The following APBA2 variants were observed in gnomAD, a reference collection of about 807,000 sequenced individuals.
APBA2 encodes the protein amyloid beta precursor protein binding family A member 2, also known as amyloid-beta A4 precursor protein-binding family A member 2.
A neutral mutation model predicts 75.0 loss-of-function variants in APBA2; 30 were observed. That is an observed-to-expected ratio of 0.40 (90% CI 0.30 to 0.54). APBA2 has a LOEUF of 0.54. APBA2 is among the 20% of genes least tolerant of loss of function. The probability of loss-of-function intolerance (pLI) is 0.49; values close to 1 mark genes in which losing one functional copy is unlikely to be tolerated. For synonymous variants in APBA2, 444 were observed against 409.6 expected, an observed-to-expected ratio of 1.08 and a Z score of -1.01; for missense variants, 801 against 1,016.1, an observed-to-expected ratio of 0.79 and a Z score of 2.88.
intron 2 of APBA2, among the ~76,000 whole-genome samples, chr15:28,980,101 T>C (rs566205212): frequency 4.5e-4 from 69 of 152,280 alleles, no homozygotes; most frequent in African/African-American, 1.6e-3. Context: ...GCTAAACACT[T>C]GGTAGATTCA....
intron 5 of APBA2, 58 bp from the exon 6 acceptor site, chr15:29,075,997 T>C (rs890693073): frequency 2.6e-6 from 4 of 1,527,228 alleles, no homozygotes; most frequent in Non-Finnish European, 3.6e-6. Flanking sequence ...AGCCTTCACC[T>C]TGTGGGCTAC....
At chr15:28,953,643 C>T (rs186510928) in intron 2 of APBA2, among the ~76,000 whole-genome samples, 13 of 152,276 alleles carry the variant, frequency 8.5e-5, no homozygotes, top group East Asian at 7.7e-4. Context: ...GGTCAGCTCT[C>T]GGTCCCTTCC....
intron 4 of APBA2, among the ~76,000 whole-genome samples, chr15:29,064,269 C>T (rs529513871): frequency 1.6e-3 from 244 of 152,270 alleles, no homozygotes; most frequent in African/African-American, 5.3e-3. Context: ...GTTTCCACCC[C>T]GAATTCACAC....
chr15:29,084,020 T>A (rs2043188854), intron 6 of APBA2, among the ~76,000 whole-genome samples: 1 of 152,250 alleles, frequency 6.6e-6, no homozygotes, highest in Non-Finnish European at 1.5e-5. Flanking sequence ...TTTGTCTGTT[T>A]CTTGTTGTTT....
intron 3 of APBA2, among the ~76,000 whole-genome samples, chr15:29,018,927 C>T (rs2039812176): frequency 6.6e-6 from 1 of 152,150 alleles, no homozygotes; most frequent in Non-Finnish European, 1.5e-5. Flanking sequence ...CATGAGGATC[C>T]TGACCATCTC....
intron 4 of APBA2, among the ~76,000 whole-genome samples, chr15:29,057,430 C>T (rs1314812232): frequency 6.6e-6 from 1 of 152,118 alleles, no homozygotes; most frequent in African/African-American, 2.4e-5. Context: ...AGTCATTGCA[C>T]GAATGGCAAT....
intron 4 of APBA2, among the ~76,000 whole-genome samples, chr15:29,055,447 G>A (rs1471026306): frequency 2.0e-5 from 3 of 152,198 alleles, no homozygotes; most frequent in Non-Finnish European, 2.9e-5. Flanking sequence ...GTGGATGTCA[G>A]CATAACTGTA....
At chr15:29,045,469 C>T (rs2041277282) in intron 3 of APBA2, among the ~76,000 whole-genome samples, 1 of 152,068 alleles carries the variant, frequency 6.6e-6, no homozygotes, top group African/African-American at 2.4e-5. Context: ...GACCCCACCT[C>T]CTAATGCCAT....
chr15:29,020,625 G>A (rs2039904577), intron 3 of APBA2, among the ~76,000 whole-genome samples: 2 of 149,050 alleles, frequency 1.3e-5, no homozygotes, highest in South Asian at 2.1e-4. Context: ...GACCAACATG[G>A]TGAAACCCGG....
At chr15:29,112,847 G>A (rs2044810330) in intron 13 of APBA2, among the ~76,000 whole-genome samples, 2 of 152,020 alleles carry the variant, frequency 1.3e-5, no homozygotes, top group African/African-American at 4.8e-5. Flanking sequence ...TCCCCACTAA[G>A]CACCACCGCC....
chr15:28,996,573 C>T (rs1159932295), intron 3 of APBA2, among the ~76,000 whole-genome samples: 3 of 152,160 alleles, frequency 2.0e-5, no homozygotes, highest in African/African-American at 7.2e-5. Flanking sequence ...TGGCTGGAGA[C>T]ACACAAGGCA....
intron 2 of APBA2, among the ~76,000 whole-genome samples, chr15:28,974,606 A>G (rs2037238340): frequency 6.6e-6 from 1 of 152,248 alleles, no homozygotes; most frequent in Non-Finnish European, 1.5e-5. Context: ...ACAATGCAAT[A>G]AAACTAAAAA....
chr15:28,902,045 A>C lies in APBA2; in HGVS notation c.-205+15767A>C, dbSNP rs2090075888. Among the ~76,000 whole-genome samples the C allele has an allele frequency of 2.0e-5, 3 of 151,572 alleles. No individual in the cohort carries two copies. In the South Asian group the frequency reaches 6.3e-4, roughly 32 times the overall value. On this transcript the variant is annotated intron_variant, in intron 1 of 14. Coordinates refer to ENST00000683413, the MANE Select transcript of APBA2 (RefSeq NM_001353788.2). Reference sequence around the variant, plus strand: ...AGATTCAGGCCTGAGTGAAGCAGGCATCACAGATGGGGGCTCATAAAAACC... The same window carrying C: ...AGATTCAGGCCTGAGTGAAGCAGGCCTCACAGATGGGGGCTCATAAAAACC...
intron 2 of APBA2, among the ~76,000 whole-genome samples, chr15:28,974,698 G>A (rs1018612384): frequency 7.2e-5 from 11 of 152,148 alleles, no homozygotes; most frequent in African/African-American, 1.4e-4. Context: ...GTTTTTAGGT[G>A]AAAGGAAATA....
intron 3 of APBA2, among the ~76,000 whole-genome samples, chr15:29,037,251 G>A (rs2040798798): frequency 6.6e-6 from 1 of 152,178 alleles, no homozygotes; most frequent in East Asian, 1.9e-4. Context: ...TACCCTTTTA[G>A]CAGCTATCAT....
intron 1 of APBA2, among the ~76,000 whole-genome samples, chr15:28,910,411 A>G (rs759677536): frequency 5.9e-5 from 9 of 152,206 alleles, no homozygotes; most frequent in African/African-American, 2.2e-4. Context: ...ATCTAGCACA[A>G]TGATTCCTGC....
intron 3 of APBA2, among the ~76,000 whole-genome samples, chr15:29,029,816 T>C (rs985644079): frequency 2.0e-5 from 3 of 152,172 alleles, no homozygotes; most frequent in Admixed American, 1.3e-4. Context: ...TTGGTCACAA[T>C]AGGCCACCCT....
intron 2 of APBA2, among the ~76,000 whole-genome samples, chr15:28,947,777 G>A (rs1049351026): frequency 2.5e-4 from 38 of 152,170 alleles, no homozygotes; most frequent in African/African-American, 8.9e-4. Context: ...GGGAGTGAAC[G>A]ATTGACTTTT....
intron 9 of APBA2, among the ~76,000 whole-genome samples, chr15:29,098,815 C>T (rs9806213): frequency 0.02 from 3,070 of 152,230 alleles, 123 homozygotes; most frequent in African/African-American, 0.071. Context: ...GCTGGGCTAC[C>T]TGGGCCCTCC....
Sources: gnomAD v4.1 joint callset for allele counts (sites outside exome capture counted in the v4.1 genomes callset) on GRCh38, gnomAD v4.1.1 for gene constraint, MANE v1.5 for transcripts, NCBI Gene and HGNC (gene_info 2026-07-23, HGNC 2026-07-21) for gene names.